Variants in TBL2 observed in about 807,000 individuals in gnomAD.
The protein encoded by TBL2 is transducin beta-like protein 2.
Under a neutral mutation model 41.8 loss-of-function variants are expected in TBL2, and 33 were observed. That is an observed-to-expected ratio of 0.79 (90% CI 0.60 to 1.06). TBL2 has a LOEUF of 1.06. TBL2 is among the 50% of genes least tolerant of loss of function. The probability of loss-of-function intolerance (pLI) is 0.00; values close to 1 mark genes in which losing one functional copy is unlikely to be tolerated. For missense variants in TBL2, 522 were observed against 603.8 expected (o/e 0.86, Z 1.42); for synonymous variants, 239 against 241.7 (o/e 0.99, Z 0.10).
rs1584017569 is a variant in TBL2 at position 73,568,887 on chromosome 7, A to T, written c.*1620T>A. 6.6e-6 allele frequency: 1 copy of T among 152,124 alleles called. No homozygotes were observed. 9.4% of individuals were successfully genotyped at this position (152,124 alleles called of 1,614,324 possible). A position where few individuals can be genotyped will look rare whatever the true frequency, so the allele number is the denominator to read the frequency against. On this transcript the variant is annotated 3_prime_UTR_variant, in exon 7 of 7. Coordinates refer to ENST00000305632, the MANE Select transcript of TBL2 (RefSeq NM_012453.4). ...GGTTGCAGTGAGCCGAGATTGCGCC[A>T]TTGTACTCCAGCCTGGGTGACAAGA...
At position 73,571,328 on chromosome 7, in the gene TBL2, A is replaced by G; in HGVS notation, c.739T>C (p.Cys247Arg). The change falls in exon 6 of 7, where the codon TGT becomes CGT. Residue 247 changes from cysteine to arginine, a missense_variant. By Grantham distance (180) the Cys-to-Arg change is radical (BLOSUM62 -3). Transcript: ENST00000305632. Reference protein sequence around the residue: ...VSPCGRFVASCGFTPDVKVWE... With the variant: ...VSPCGRFVASRGFTPDVKVWE... ...ACCTTCACATCTGGGGTGAAGCCAC[A>G]CGAGGCTACAAATCTGCCATACAAC... 1.9e-6 allele frequency: 3 copies of G among 1,614,200 alleles called. No homozygotes were observed. The highest frequency in any genetic ancestry group is 2.5e-6 in the Non-Finnish European group (3 of 1,180,042).
At position 73,573,367 on chromosome 7, in the gene TBL2, G is replaced by A. The variant is rs1554588178; in HGVS notation, c.551C>T (p.Pro184Leu). The A allele has an allele frequency of 1.9e-6, 3 of 1,614,184 alleles. No individual in the cohort carries two copies. The highest frequency in any genetic ancestry group is 2.5e-6 in the Non-Finnish European group (3 of 1,180,030). Residue 184 changes from proline (P) to leucine (L), a missense_variant, in exon 4 of 7, where the codon CCT becomes CTT. Physicochemically the swap from Pro to Leu is moderately conservative, Grantham distance 98. Transcript: ENST00000305632. ...GATGACAGGCGCCTTGTGCTTTTTAGGGAAGTCCTCTGGGGTGGCTGTGAA... is the reference window on the plus strand; with the variant it reads ...GATGACAGGCGCCTTGTGCTTTTTAAGGAAGTCCTCTGGGGTGGCTGTGAA... ...YTFTATPEDF[P>L]KKHKAPVIDI... is the part of the protein sequence containing the mutation.
At position 73,578,576 on chromosome 7, in the gene TBL2, T is replaced by C. The variant is rs374030982; in HGVS notation, c.-27A>G. 60 of 1,575,346 alleles carry C rather than the reference T, an allele frequency of 3.8e-5. No homozygotes were observed. Among genetic ancestry groups the C allele is most frequent in the Middle Eastern group, 3.7e-4 (2 of 5,404 alleles). ...TTGGTGGAACCACTGCCACCTCAGC[T>C]AGTGAGTACGCGGGCGCCCGCACGG... is the stretch of plus-strand genomic sequence containing the variant. On this transcript the variant is annotated 5_prime_UTR_variant, in exon 1 of 7. Transcript: ENST00000305632.
Position 73,567,867 on chromosome 7 carries a change from C to CG in TBL2, c.*2639dup, listed in dbSNP as rs1353977124. ...GAGGAAACAAGCTCAGAGAGGTCAACGGACCTACTATCTGCTCTCCAGCTG... is the reference window on the plus strand; with the variant it reads ...GAGGAAACAAGCTCAGAGAGGTCAACGGGACCTACTATCTGCTCTCCAGCTG... On this transcript the variant is annotated 3_prime_UTR_variant, in exon 7 of 7. Transcript: ENST00000305632. Among the ~76,000 whole-genome samples, 2 of 152,140 alleles carry CG rather than the reference C, an allele frequency of 1.3e-5. No individual in the cohort carries two copies. The highest frequency in any genetic ancestry group is 2.9e-5 in the Non-Finnish European group (2 of 68,022).
At chr7:73,571,002 C>T (rs201379422) in intron 6 of TBL2, 30 bp from the exon 7 acceptor site, 3 of 1,577,006 alleles carry the variant, frequency 1.9e-6, no homozygotes, top group Admixed American at 3.5e-5. Flanking sequence ...AGCTCAAGCC[C>T]CAACACACCC....
Position 73,570,665 on chromosome 7 carries a change from C to A in TBL2, c.1186G>T (p.Val396Leu), listed in dbSNP as rs1792872980. 6.2e-7 allele frequency: 1 copy of A among 1,613,900 alleles called. No homozygotes were observed. Among genetic ancestry groups the A allele is most frequent in the Non-Finnish European group, 8.5e-7 (1 of 1,179,912 alleles). The part of the protein sequence containing the change: ...RFLASCGDRA[V>L]RLFHNTPGHR... ...CCAGGAGTGTTGTGAAACAGCCGCA[C>A]CGCCCGGTCCCCACAGGAGGCCAGA... The change falls in exon 7 of 7, where the codon GTG becomes TTG. Residue 396 changes from valine to leucine, a missense_variant. Val to Leu is a conservative substitution (Grantham distance 32, BLOSUM62 1). Transcript: ENST00000305632.
chr7:73,573,899 G>A, intron 3 of TBL2, 39 bp downstream of exon 3: 3 of 1,605,094 alleles, frequency 1.9e-6, no homozygotes, highest in Non-Finnish European at 2.5e-6. Context: ...CCTGGGACTA[G>A]GCCTCTGCAG....
At position 73,571,523 on chromosome 7, in the gene TBL2, G is replaced by A. The variant is rs547359488; in HGVS notation, c.726-182C>T. 2.8e-4 allele frequency: 189 copies of A among 671,240 alleles called. No homozygotes were observed. In the East Asian group the frequency reaches 5.6e-3, roughly 20 times the overall value. 41.6% of individuals were successfully genotyped at this position (671,240 alleles called of 1,614,324 possible). ...TGTCATCCCAGCACTTTGGGAGGCC[G>A]AGGTGGGTGGATCACCTGAGGTCAG... On this transcript the variant is annotated intron_variant, in intron 5 of 6. Coordinates refer to ENST00000305632, the MANE Select transcript of TBL2 (RefSeq NM_012453.4).
Position 73,573,477 on chromosome 7 carries a change from G to T in TBL2, c.447-6C>A. 2 of 1,613,930 alleles carry T rather than the reference G, an allele frequency of 1.2e-6. No individual in the cohort carries two copies. The highest frequency in any genetic ancestry group is 1.1e-5 in the South Asian group (1 of 91,078). On this transcript the variant is annotated splice_polypyrimidine_tract_variant and splice_region_variant and intron_variant, in intron 3 of 6. Transcript: ENST00000305632. ...CCAGCCAGACGATGAAGGCTCTAGA[G>T]ACAGGCAGCAGACAAGTCACGCTCT...
At position 73,578,428 on chromosome 7, in the gene TBL2, C is replaced by T. The variant is rs1554589480; in HGVS notation, c.122G>A (p.Arg41Gln). The T allele has an allele frequency of 6.5e-7, 1 of 1,528,148 alleles. No homozygotes were observed. Among genetic ancestry groups the T allele is most frequent in the Admixed American group, 2.1e-5 (1 of 48,476 alleles). 94.7% of individuals were successfully genotyped at this position (1,528,148 alleles called of 1,614,324 possible). ...WLRAGEERSG[R>Q]PACQKANGFP... ...GACCCGGCCCCACTTACAGGCGGGC[C>T]GGCCGCTCCTCTCCTCCCCCGCGCG... The change falls in exon 1 of 7, where the codon CGG (arginine) becomes CAG (glutamine). Residue 41 changes from arginine to glutamine, a missense_variant. Transcript: ENST00000305632.
chr7:73,570,741 C>T lies in TBL2; in HGVS notation c.1110G>A (p.Arg370=). ...RRGEKEECFE[R]VHGECIANLS... is the part of the protein sequence containing the mutation. The stretch of plus-strand genomic sequence containing the variant: ...AGTTGGCGATACACTCGCCATGGAC[C>T]CGCTCAAAGCACTCCTCCTTCTCGC... Residue 370 remains arginine, a synonymous_variant, in exon 7 of 7, where the codon CGG becomes CGA. Coordinates refer to ENST00000305632, the MANE Select transcript of TBL2 (RefSeq NM_012453.4). The T allele has an allele frequency of 6.2e-7, 1 of 1,614,194 alleles. No individual in the cohort carries two copies. The highest frequency in any genetic ancestry group is 8.5e-7 in the Non-Finnish European group (1 of 1,180,036).
At chr7:73,574,715 CTT>C in intron 1 of TBL2, 1 of 676,916 alleles carries the variant, frequency 1.5e-6, no homozygotes, top group Non-Finnish European at 2.5e-6. Flanking sequence ...AATCCCAATG[CTT>C]TGGATCATTT....
intron 1 of TBL2, among the ~76,000 whole-genome samples, chr7:73,576,279 C>T (rs1275410094): frequency 1.3e-5 from 2 of 150,964 alleles, no homozygotes; most frequent in African/African-American, 2.4e-5. Context: ...GTGACCTGCC[C>T]GCTTCGGCCT....
chr7:73,578,156 A>C (rs1480909166), intron 1 of TBL2: 14 of 1,253,028 alleles, frequency 1.1e-5, no homozygotes, highest in African/African-American at 1.1e-4. Context: ...TCTCCTGGCC[A>C]CCCCGGGGAC....
At chr7:73,571,426 G>A in intron 5 of TBL2, 85 bp from the exon 6 acceptor site, 2 of 1,567,870 alleles carry the variant, frequency 1.3e-6, no homozygotes, top group Non-Finnish European at 1.7e-6. Flanking sequence ...TCCTGAGAAA[G>A]TTGATAATCC....
intron 6 of TBL2, 55 bp from the exon 7 acceptor site, chr7:73,571,027 C>T: frequency 3.2e-6 from 5 of 1,566,874 alleles, no homozygotes; most frequent in Non-Finnish European, 4.3e-6. Context: ...AGGGTAAGCA[C>T]TGGCCCAACT....
rs781921682 is a variant in TBL2, at chr7:73,571,354, C to A, written c.726-13G>T. ...CGAGGCTACAAATCTGCCATACAAC[C>A]CAGAAGCCTTTAAAACTTCATTTTC... is the stretch of plus-strand genomic sequence containing the variant. On this transcript the variant is annotated splice_polypyrimidine_tract_variant and intron_variant, in intron 5 of 6. Transcript: ENST00000305632. 11 of 1,614,086 alleles carry A rather than the reference C, an allele frequency of 6.8e-6. No homozygotes were observed. The Admixed American group carries it at 8.3e-5, about 12-fold the overall frequency.
At chr7:73,571,153 G>A (rs951953616) in intron 6 of TBL2, 36 bp downstream of exon 6, 18 of 1,612,840 alleles carry the variant, frequency 1.1e-5, no homozygotes, top group Non-Finnish European at 1.4e-5. Flanking sequence ...GAGGGGCCAA[G>A]AGCCACTGGT....
In TBL2 at chr7:73,568,553, T is replaced by C. The variant is rs1237927738; in HGVS notation, c.*1954A>G. 9.2e-5 allele frequency among the ~76,000 whole-genome samples: 14 copies of C among 152,140 alleles called. No individual in the cohort carries two copies. Among genetic ancestry groups the C allele is most frequent in the Admixed American group, 9.2e-4 (14 of 15,262 alleles). ...ACCCTTCACACATTTACGGTGCCCA[T>C]CTGACATTCATAGCATTTAGAGGGG... On this transcript the variant is annotated 3_prime_UTR_variant, in exon 7 of 7. Coordinates refer to ENST00000305632, the MANE Select transcript of TBL2 (RefSeq NM_012453.4).
Sources: allele counts gnomAD v4.1 joint callset (sites outside exome capture counted in the v4.1 genomes callset), GRCh38; gene constraint gnomAD v4.1.1; transcripts MANE v1.5; gene names NCBI Gene and HGNC (gene_info 2026-07-23, HGNC 2026-07-21).